PLD1: variants seen among roughly 807,000 people sequenced by gnomAD.
PLD1 encodes the protein phospholipase D1.
Under a neutral mutation model 137.1 loss-of-function variants are expected in PLD1, and 112 were observed. The ratio of observed to expected loss-of-function variants is 0.82; its 90% CI spans 0.70 to 0.96. PLD1 has a LOEUF of 0.96. Ranked by LOEUF, PLD1 falls within the 40% of genes least tolerant of loss-of-function variation. The probability of loss-of-function intolerance (pLI) is 0.00; values close to 1 mark genes in which losing one functional copy is unlikely to be tolerated. For missense variants in PLD1, 1,321 were observed against 1,342.0 expected (o/e 0.98, Z 0.24); for synonymous variants, 431 against 454.7 (o/e 0.95, Z 0.66).
chr3:171,757,835 A>G (rs2108301596), intron 1 of PLD1, among the ~76,000 whole-genome samples: 1 of 152,358 alleles, frequency 6.6e-6, no homozygotes, highest in East Asian at 1.9e-4. Context: ...AAGTCAGAAC[A>G]TGTTCAATTC....
intron 21 of PLD1, among the ~76,000 whole-genome samples, chr3:171,651,325 T>G (rs767789254): frequency 6.8e-4 from 25 of 36,580 alleles, no homozygotes; most frequent in Middle Eastern, 0.016. Flanking sequence ...GGGCTTAGGG[T>G]GTGTGTGTGT....
At chr3:171,771,707 C>G (rs1422114161) in intron 1 of PLD1, among the ~76,000 whole-genome samples, 1 of 152,170 alleles carries the variant, frequency 6.6e-6, no homozygotes, top group East Asian at 1.9e-4. Context: ...AGTTATGGAA[C>G]AGATAGCACT....
At chr3:171,707,617 C>G (rs1417210065) in intron 11 of PLD1, among the ~76,000 whole-genome samples, 1 of 152,172 alleles carries the variant, frequency 6.6e-6, no homozygotes, top group Non-Finnish European at 1.5e-5. Flanking sequence ...CTGTCTATCC[C>G]CTCTAGATCA....
At chr3:171,684,170 G>A (rs541193255) in intron 16 of PLD1, among the ~76,000 whole-genome samples, 3 of 152,248 alleles carry the variant, frequency 2.0e-5, no homozygotes, top group East Asian at 1.9e-4. Context: ...TGGGGTAGGC[G>A]TGAGTTACTT....
chr3:171,713,800 C>T (rs968137434), intron 9 of PLD1, 93 bp downstream of exon 9: 2 of 1,111,792 alleles, frequency 1.8e-6, no homozygotes, highest in African/African-American at 3.1e-5. Flanking sequence ...AATTTTCTAA[C>T]ACTTTTTAAA....
At chr3:171,609,877 T>C (rs1322478072) in intron 25 of PLD1, among the ~76,000 whole-genome samples, 1 of 152,122 alleles carries the variant, frequency 6.6e-6, no homozygotes, top group Non-Finnish European at 1.5e-5. Flanking sequence ...AACAAAACTG[T>C]ACCTGTACTC....
chr3:171,606,533 A>T (rs558348640), intron 25 of PLD1, among the ~76,000 whole-genome samples: 1 of 152,278 alleles, frequency 6.6e-6, no homozygotes, highest in Admixed American at 6.5e-5. Flanking sequence ...AGTAAGGGAG[A>T]GGAGGAGGAA....
chr3:171,710,598 A>C (rs1445956232), intron 9 of PLD1, among the ~76,000 whole-genome samples: 2 of 151,998 alleles, frequency 1.3e-5, no homozygotes, highest in East Asian at 3.9e-4. Flanking sequence ...CCCACTGCTC[A>C]CCTCCTGCTG....
At chr3:171,648,997 G>A (rs1483075400) in intron 21 of PLD1, among the ~76,000 whole-genome samples, 3 of 151,788 alleles carry the variant, frequency 2.0e-5, no homozygotes, top group African/African-American at 2.4e-5. Context: ...TGATATTTAC[G>A]CTGACTAACA....
intron 24 of PLD1, among the ~76,000 whole-genome samples, chr3:171,617,024 C>T (rs979401039): frequency 3.9e-5 from 6 of 152,102 alleles, no homozygotes; most frequent in Non-Finnish European, 8.8e-5. Context: ...CACATATGAG[C>T]ATTACCTAGG....
At chr3:171,787,871 T>G (rs1723068435) in intron 1 of PLD1, among the ~76,000 whole-genome samples, 2 of 151,830 alleles carry the variant, frequency 1.3e-5, no homozygotes, top group African/African-American at 4.8e-5. Context: ...TAGAAAAATA[T>G]TTTGTAAGAA....
At position 171,603,286 on chromosome 3, in the gene PLD1, G is replaced by A. The variant is rs750307771; in HGVS notation, c.3017C>T (p.Pro1006Leu). ...AATTAAATTGTGTACTTCATCATTG[G>A]GAAGGCACCGGAAAACCTGATTAGA... ...TIYDKVFRCL[P>L]NDEVHNLIQL... Residue 1006 changes from proline (P) to leucine (L), a missense_variant, in exon 27 of 27, where the codon CCC becomes CTC. Physicochemically the swap from Pro to Leu is moderately conservative, Grantham distance 98. Coordinates refer to ENST00000351298, the MANE Select transcript of PLD1 (RefSeq NM_002662.5). The A allele has an allele frequency of 7.4e-6, 12 of 1,613,486 alleles. No individual in the cohort carries two copies. Among genetic ancestry groups the A allele is most frequent in the Non-Finnish European group, 2.5e-6 (3 of 1,179,688 alleles).
rs983589073 is a variant in PLD1, at chr3:171,602,630, T to C, written c.*448A>G. 5.8e-6 allele frequency: 1 copy of C among 173,736 alleles called. No homozygotes were observed. Among genetic ancestry groups the C allele is most frequent in the African/African-American group, 2.4e-5 (1 of 41,730 alleles). The allele number at this position is 173,736 out of a possible 1,614,324, so 10.8% of individuals were successfully genotyped here. ...GAAGCAGCATTACAACATCTAATAA[T>C]AAACAATCTCTCAAACAGTGCCTGT... On this transcript the variant is annotated 3_prime_UTR_variant, in exon 27 of 27. Transcript: ENST00000351298.
At chr3:171,705,501 A>C (rs1270965236) in intron 11 of PLD1, among the ~76,000 whole-genome samples, 2 of 152,176 alleles carry the variant, frequency 1.3e-5, no homozygotes, top group Non-Finnish European at 2.9e-5. Flanking sequence ...TTTAACTAGA[A>C]TGTACAAATA....
chr3:171,604,969 GT>G (rs1732093511), intron 26 of PLD1, among the ~76,000 whole-genome samples: 1 of 152,172 alleles, frequency 6.6e-6, no homozygotes, highest in South Asian at 2.1e-4. Flanking sequence ...GCTGTGGCTT[GT>G]TTTTTTATGC....
chr3:171,772,620 G>A (rs750963863), intron 1 of PLD1, among the ~76,000 whole-genome samples: 31 of 152,254 alleles, frequency 2.0e-4, no homozygotes, highest in Non-Finnish European at 4.0e-4. Flanking sequence ...TGTGGCTGAT[G>A]ACTTTAAAAG....
intron 22 of PLD1, among the ~76,000 whole-genome samples, chr3:171,644,469 C>G (rs1349784904): frequency 6.6e-6 from 1 of 152,190 alleles, no homozygotes; most frequent in Non-Finnish European, 1.5e-5. Flanking sequence ...TATTTACTAA[C>G]AGAGGCTATC....
At chr3:171,611,397 A>G in intron 25 of PLD1, 1 of 295,602 alleles carries the variant, frequency 3.4e-6, no homozygotes, top group South Asian at 3.3e-5. Context: ...AACATGATCT[A>G]GAAGGTTCTA....
chr3:171,658,902 CT>C (rs1317419574), intron 21 of PLD1, among the ~76,000 whole-genome samples: 2 of 152,100 alleles, frequency 1.3e-5, no homozygotes, highest in African/African-American at 4.8e-5. Context: ...AATATTATGT[CT>C]GTTTTGCTTT....
Sources: allele counts gnomAD v4.1 joint callset (sites outside exome capture counted in the v4.1 genomes callset), GRCh38; gene constraint gnomAD v4.1.1; transcripts MANE v1.5; gene names NCBI Gene and HGNC (gene_info 2026-07-23, HGNC 2026-07-21).